The following CYP27C1 variants were observed in gnomAD, a reference collection of about 807,000 sequenced individuals.
The protein encoded by CYP27C1 is cytochrome P450 family 27 subfamily C member 1, also known as cytochrome P450 27C1.
CYP27C1 carries 29 observed loss-of-function variants against 40.6 expected under a neutral mutation model. The observed-to-expected ratio is 0.71, with a 90% CI of 0.53 to 0.97. The LOEUF (loss-of-function observed/expected upper bound fraction) is 0.97. Among genes scored for constraint, CYP27C1 ranks in the 50% least tolerant of loss-of-function variants. The pLI, the probability that CYP27C1 is intolerant of heterozygous loss-of-function variation, is 0.00. For synonymous variants in CYP27C1, 198 were observed against 186.8 expected (o/e 1.06, Z -0.49); for missense variants, 390 against 485.8 (o/e 0.80, Z 1.85).
rs1558931276 is a variant in CYP27C1 at position 127,204,539 on chromosome 2, G to GAA, written c.474-969_474-968insTT. Among the ~76,000 whole-genome samples, 25 of 35,648 alleles carry GAA rather than the reference G, an allele frequency of 7.0e-4. 2 individuals are homozygous for GAA. The highest frequency in any genetic ancestry group is 2.0e-3 in the African/African-American group (22 of 10,786). 23.4% of individuals were successfully genotyped at this position (35,648 alleles called of 152,430 possible). On this transcript the variant is annotated intron_variant, in intron 2 of 8. Coordinates refer to ENST00000664447, the MANE Select transcript of CYP27C1 (RefSeq NM_001367502.1). ...AAGGAAAGAAAGAAAGAAAGAAAGA[G>GAA]AGAGAGAGAGAGAGAGAGAAAGAAA...
chr2:127,209,722 C>A lies in CYP27C1; in HGVS notation c.283-3632G>T, dbSNP rs918230850. ...GTGTGAGAACTTCGTGAAGCATACA[C>A]AGGTATCAACAGCCAAATCGACCAA... is the stretch of plus-strand genomic sequence containing the variant. On this transcript the variant is annotated intron_variant, in intron 1 of 8. Transcript: ENST00000664447. This position sits in a 1 kb window ranked among gnomAD's most constrained non-coding sequence, Gnocchi z 4.1. 2.0e-5 allele frequency among the ~76,000 whole-genome samples: 3 copies of A among 152,226 alleles called. No individual in the cohort carries two copies. The highest frequency in any genetic ancestry group is 2.0e-4 in the Admixed American group (3 of 15,288).
chr2:127,199,690 G>T, intron 4 of CYP27C1, 151 bp from the exon 5 acceptor site: 1 of 672,764 alleles, frequency 1.5e-6, no homozygotes. Flanking sequence ...CAACCTGGGA[G>T]TTTCACTCAT....
rs1389451338 is a variant in CYP27C1, at chr2:127,200,899, G to T, written c.883+223C>A. On this transcript the variant is annotated intron_variant, in intron 4 of 8. Transcript: ENST00000664447. This position sits in a 1 kb window ranked among gnomAD's most constrained non-coding sequence, Gnocchi z 4.2. ...AATCACTTGAACCTAGGAGGCAGAG[G>T]TTGCAGTGAGCTGAGATCACACCAC... Among the ~76,000 whole-genome samples the T allele has an allele frequency of 2.0e-5, 3 of 151,872 alleles. No individual in the cohort carries two copies. The highest frequency in any genetic ancestry group is 7.3e-5 in the African/African-American group (3 of 41,314).
At chr2:127,190,132 C>T (rs1482040760) in intron 8 of CYP27C1, among the ~76,000 whole-genome samples, 1 of 152,136 alleles carries the variant, frequency 6.6e-6, no homozygotes, top group East Asian at 1.9e-4. Flanking sequence ...CTCACTGATT[C>T]GATATCTTAG....
At chr2:127,190,342 C>CTT (rs1241035422) in intron 8 of CYP27C1, among the ~76,000 whole-genome samples, 26,375 of 96,870 alleles carry the variant, frequency 0.27, 4,772 homozygotes, top group East Asian at 0.48. Flanking sequence ...TTTTTTTTTT[C>CTT]TTTTTTTTTT....
rs1682917872 is a variant in CYP27C1, at chr2:127,196,955, GGAGTT to G, written c.1048-1459_1048-1455del. ...CTGTATCGCATTATGCAGTTTAAAT[GGAGTT>G]GACTATGCATAAGTTATACCGCAAT... On this transcript the variant is annotated intron_variant, in intron 5 of 8. Transcript: ENST00000664447. This position sits in a 1 kb window ranked among gnomAD's most constrained non-coding sequence, Gnocchi z 4.5. 1.3e-5 allele frequency among the ~76,000 whole-genome samples: 2 copies of G among 152,154 alleles called. No homozygotes were observed. Among genetic ancestry groups the G allele is most frequent in the African/African-American group, 4.8e-5 (2 of 41,410 alleles).
intron 5 of CYP27C1, among the ~76,000 whole-genome samples, chr2:127,197,442 C>G (rs145127135): frequency 1.3e-5 from 2 of 152,202 alleles, no homozygotes; most frequent in East Asian, 1.9e-4. Flanking sequence ...CTGTGCGGGG[C>G]GTGCCTTATT....
In CYP27C1 at chr2:127,209,695, CAG is replaced by C. The variant is rs1683300484; in HGVS notation, c.283-3607_283-3606del. Reference sequence around the variant, plus strand: ...AATGACCAGATGGAGCTGAAAAACACAGTGTGAGAACTTCGTGAAGCATACAC... The same window carrying C: ...AATGACCAGATGGAGCTGAAAAACACTGTGAGAACTTCGTGAAGCATACAC... On this transcript the variant is annotated intron_variant, in intron 1 of 8. Transcript: ENST00000664447. The surrounding 1 kb of genome is among the most constrained non-coding windows in gnomAD (Gnocchi z 4.1). Among the ~76,000 whole-genome samples the C allele has an allele frequency of 6.6e-6, 1 of 152,186 alleles. No individual in the cohort carries two copies. Among genetic ancestry groups the C allele is most frequent in the African/African-American group, 2.4e-5 (1 of 41,446 alleles).
In CYP27C1 at chr2:127,218,344, G is replaced by A. The variant is rs1486420975; in HGVS notation, c.282+1645C>T. On this transcript the variant is annotated intron_variant, in intron 1 of 8. Transcript: ENST00000664447. This position sits in a 1 kb window ranked among gnomAD's most constrained non-coding sequence, Gnocchi z 6.0. ...TAAATTACACTTCAGAAAGCAGGCT[G>A]TATTGAACCCATCAACAGCAAATAA... Among the ~76,000 whole-genome samples the A allele has an allele frequency of 6.6e-6, 1 of 152,134 alleles. No individual in the cohort carries two copies.
At chr2:127,205,444 A>G (rs1683204230) in intron 2 of CYP27C1, among the ~76,000 whole-genome samples, 1 of 152,204 alleles carries the variant, frequency 6.6e-6, no homozygotes, top group African/African-American at 2.4e-5. Flanking sequence ...CGCTGGTTCA[A>G]AATGAATAAT....
Position 127,195,047 on chromosome 2 carries a change from C to T in CYP27C1, c.1214+288G>A, listed in dbSNP as rs1451812626. 6.6e-6 allele frequency among the ~76,000 whole-genome samples: 1 copy of T among 152,150 alleles called. No homozygotes were observed. The highest frequency in any genetic ancestry group is 1.5e-5 in the Non-Finnish European group (1 of 68,026). On this transcript the variant is annotated intron_variant, in intron 6 of 8. Transcript: ENST00000664447. The surrounding 1 kb of genome is among the most constrained non-coding windows in gnomAD (Gnocchi z 6.2). ...GTTTCACCATGTTGGCCAGGCTGCT[C>T]TTGAACTCCTGACCTCAGGTAATCT...
In CYP27C1 at chr2:127,202,950, C is replaced by T. The variant is rs567619825; in HGVS notation, c.673+422G>A. The stretch of plus-strand genomic sequence containing the variant: ...TTGGGAGGCCAAGGCGGGCGAATCA[C>T]GAGGTCAGGAGTTCGAGACCAGCCT... On this transcript the variant is annotated intron_variant, in intron 3 of 8. Coordinates refer to ENST00000664447, the MANE Select transcript of CYP27C1 (RefSeq NM_001367502.1). 2.0e-4 allele frequency among the ~76,000 whole-genome samples: 30 copies of T among 152,048 alleles called. No homozygotes were observed. The Middle Eastern group carries it at 0.014, about 69-fold the overall frequency.
intron 2 of CYP27C1, among the ~76,000 whole-genome samples, chr2:127,204,767 AC>A (rs1267570404): frequency 2.0e-5 from 3 of 152,128 alleles, no homozygotes; most frequent in Non-Finnish European, 4.4e-5. Flanking sequence ...TGAAGGCAGG[AC>A]GCTGAGGGAA....
rs555443729 is a variant in CYP27C1 at position 127,208,555 on chromosome 2, G to A, written c.283-2465C>T. On this transcript the variant is annotated intron_variant, in intron 1 of 8. Transcript: ENST00000664447. The surrounding 1 kb of genome is among the most constrained non-coding windows in gnomAD (Gnocchi z 5.2). Reference sequence around the variant, plus strand: ...TGTCTAAGTAATTTGAGCTCCTTGGGGGAGGGGCAGCAGCCAGCACTGGGA... The same window carrying A: ...TGTCTAAGTAATTTGAGCTCCTTGGAGGAGGGGCAGCAGCCAGCACTGGGA... Among the ~76,000 whole-genome samples the A allele has an allele frequency of 6.6e-6, 1 of 152,354 alleles. No individual in the cohort carries two copies. The highest frequency in any genetic ancestry group is 1.9e-4 in the East Asian group (1 of 5,182).
At chr2:127,198,650 C>T (rs1682961808) in intron 5 of CYP27C1, among the ~76,000 whole-genome samples, 1 of 152,152 alleles carries the variant, frequency 6.6e-6, no homozygotes, top group African/African-American at 2.4e-5. Context: ...TGTACTGTAG[C>T]TTGCCAATGT....
Position 127,203,373 on chromosome 2 carries a change from T to C in CYP27C1, c.672A>G (p.Glu224=), listed in dbSNP as rs1312574506. 6.2e-7 allele frequency: 1 copy of C among 1,612,026 alleles called. No homozygotes were observed. The highest frequency in any genetic ancestry group is 1.1e-5 in the South Asian group (1 of 90,556). The part of the protein sequence containing the change: ...VNDLFFKYSM[E]GVATILYESR... ...TCCCACCTGCTGATTCCACCTCACC[T>C]TCCATTGAATATTTGAAGAAAAGAT... The change falls in exon 3 of 9, where the codon GAA becomes GAG. Residue 224 remains glutamate, a splice_region_variant and synonymous_variant. Coordinates refer to ENST00000664447, the MANE Select transcript of CYP27C1 (RefSeq NM_001367502.1).
In CYP27C1 at chr2:127,185,564, A is replaced by G. The variant is rs1682606928; in HGVS notation, c.*1707T>C. ...AATCAATCCAACACTTGGCCAGTTA[A>G]TATGACCTAATTTCACATTTACCTG... is the stretch of plus-strand genomic sequence containing the variant. On this transcript the variant is annotated 3_prime_UTR_variant, in exon 9 of 9. Transcript: ENST00000664447. The surrounding 1 kb of genome is among the most constrained non-coding windows in gnomAD (Gnocchi z 4.9). 1 of 152,262 alleles carries G rather than the reference A, an allele frequency of 6.6e-6. No homozygotes were observed. The highest frequency in any genetic ancestry group is 2.4e-5 in the African/African-American group (1 of 41,476). The allele number at this position is 152,262 out of a possible 1,614,324, so 9.4% of individuals were successfully genotyped here.
At position 127,218,905 on chromosome 2, in the gene CYP27C1, G is replaced by C. The variant is rs1241347326; in HGVS notation, c.282+1084C>G. On this transcript the variant is annotated intron_variant, in intron 1 of 8. Transcript: ENST00000664447. The surrounding 1 kb of genome is among the most constrained non-coding windows in gnomAD (Gnocchi z 6.0). ...CGGGTGCAGTGCCCCTGCCACGAAG[G>C]GCGCAACGGAGGTGGGCGTGGGAAG... Among the ~76,000 whole-genome samples the C allele has an allele frequency of 6.6e-6, 1 of 152,208 alleles. No homozygotes were observed. Among genetic ancestry groups the C allele is most frequent in the African/African-American group, 2.4e-5 (1 of 41,452 alleles).
rs1573892384 is a variant in CYP27C1 at position 127,193,270 on chromosome 2, T to C, written c.1321A>G (p.Thr441Ala). The C allele has an allele frequency of 9.9e-6, 16 of 1,614,130 alleles. No homozygotes were observed. In the East Asian group the frequency reaches 3.6e-4, roughly 36 times the overall value. ...GTQLALCHYA[T>A]SYQDENFPRA... Reference sequence around the variant, plus strand: ...GGGAAGTTCTCATCCTGGTACGATGTGGCATAGTGGCAAAGGGCCAGCTGG... The same window carrying C: ...GGGAAGTTCTCATCCTGGTACGATGCGGCATAGTGGCAAAGGGCCAGCTGG... The change falls in exon 8 of 9, where the codon ACA (threonine) becomes GCA (alanine). Residue 441 changes from threonine (T) to alanine (A), a missense_variant. Physicochemically the swap from Thr to Ala is moderately conservative, Grantham distance 58. Coordinates refer to ENST00000664447, the MANE Select transcript of CYP27C1 (RefSeq NM_001367502.1).
Sources: allele counts gnomAD v4.1 joint callset (sites outside exome capture counted in the v4.1 genomes callset), GRCh38; gene constraint gnomAD v4.1.1; non-coding constraint Gnocchi (gnomAD v3.1); transcripts MANE v1.5; gene names NCBI Gene and HGNC (gene_info 2026-07-23, HGNC 2026-07-21).